The following FNDC3A variants were observed in gnomAD, a reference collection of about 807,000 sequenced individuals.
FNDC3A encodes fibronectin type III domain containing 3A.
A neutral mutation model predicts 148.9 loss-of-function variants in FNDC3A; 32 were observed. The ratio of observed to expected loss-of-function variants is 0.21; its 90% CI spans 0.16 to 0.29. The LOEUF is 0.29. Among genes scored for constraint, FNDC3A ranks in the 10% least tolerant of loss-of-function variants. The pLI is 1.00. For synonymous variants in FNDC3A, 472 were observed against 473.6 expected (o/e 1.00, Z 0.04); for missense variants, 1,191 against 1,452.8 (o/e 0.82, Z 2.93).
chr13:49,062,685 C>T (rs1315032065), intron 2 of FNDC3A, among the ~76,000 whole-genome samples: 1 of 152,108 alleles, frequency 6.6e-6, no homozygotes, highest in Admixed American at 6.5e-5. Context: ...CCTGATCATC[C>T]TAGGTTGAGT....
At position 49,207,178 on chromosome 13, in the gene FNDC3A, C is replaced by G. The variant is rs749624768; in HGVS notation, c.3380C>G (p.Ser1127Cys). The G allele has an allele frequency of 7.4e-6, 12 of 1,614,030 alleles. No homozygotes were observed. The highest frequency in any genetic ancestry group is 1.6e-4 in the Middle Eastern group (1 of 6,084). The change falls in exon 26 of 26, where the codon TCT (serine) becomes TGT (cysteine). Residue 1127 changes from serine (S) to cysteine (C), a missense_variant. By Grantham distance (112) the Ser-to-Cys change is moderately radical. Around this residue, in one of 3 missense-constraint regions of FNDC3A, gnomAD observed 751 missense variants for 944.0 expected, o/e 0.80. Transcript: ENST00000492622. ...RVCAIRQCQD[S>C]LGHQDLVGPY... ...TGTGCCATTCGCCAGTGCCAAGACT[C>G]TCTGGGACACCAGGACCTCGTAGGT... is the stretch of plus-strand genomic sequence containing the variant.
At chr13:49,203,371 T>C in intron 25 of FNDC3A, 87 bp downstream of exon 25, 1 of 897,296 alleles carries the variant, frequency 1.1e-6, no homozygotes, top group East Asian at 2.5e-5. Context: ...TGGCCATCTT[T>C]ACCTTTTAAT....
chr13:49,041,304 C>T (rs1874908356), intron 2 of FNDC3A, among the ~76,000 whole-genome samples: 4 of 152,170 alleles, frequency 2.6e-5, no homozygotes, highest in Admixed American at 2.0e-4. Flanking sequence ...GATATTTACT[C>T]AGTGGCCTAA....
intron 7 of FNDC3A, among the ~76,000 whole-genome samples, chr13:49,142,729 A>G (rs1882760163): frequency 6.6e-6 from 1 of 152,106 alleles, no homozygotes; most frequent in Non-Finnish European, 1.5e-5. Flanking sequence ...CTAATTACCC[A>G]CCTCTTTCTA....
intron 1 of FNDC3A, among the ~76,000 whole-genome samples, chr13:48,984,437 T>C (rs754921695): frequency 4.6e-5 from 7 of 152,180 alleles, no homozygotes; most frequent in Non-Finnish European, 7.4e-5. Flanking sequence ...AAATTACAAT[T>C]ATTAAAATAA....
In FNDC3A at chr13:49,134,671, G is replaced by A. The variant is rs945773721; in HGVS notation, c.491-1661G>A. On this transcript the variant is annotated intron_variant, in intron 5 of 25. Transcript: ENST00000492622. Reference sequence around the variant, plus strand: ...AATTTCTTTGCCAAAACTTGATATCGTCTGTCTTTTGATTGTAGGCATCCT... The same window carrying A: ...AATTTCTTTGCCAAAACTTGATATCATCTGTCTTTTGATTGTAGGCATCCT... Among the ~76,000 whole-genome samples the A allele has an allele frequency of 1.2e-4, 18 of 151,788 alleles. No homozygotes were observed. In the East Asian group the frequency reaches 1.9e-3, roughly 16 times the overall value.
intron 2 of FNDC3A, among the ~76,000 whole-genome samples, chr13:49,020,438 A>C (rs1566196120): frequency 1.3e-5 from 2 of 152,248 alleles, no homozygotes; most frequent in Non-Finnish European, 2.9e-5. Context: ...AGAATAGGCA[A>C]GATTATTTTG....
In FNDC3A at chr13:49,138,780, T is replaced by C; in HGVS notation, c.794T>C (p.Leu265Pro). 6.6e-7 allele frequency: 1 copy of C among 1,511,816 alleles called. No homozygotes were observed. The highest frequency in any genetic ancestry group is 1.8e-5 in the Admixed American group (1 of 55,782). 93.7% of individuals were successfully genotyped at this position (1,511,816 alleles called of 1,614,324 possible). ...GAAGAAACTAAAGCATTTGAAGCAC[T>C]TCTTTCCAACATTGTCAAACCAGTG... ...KDEETKAFEA[L>P]LSNIVKPVAS... Residue 265 changes from leucine to proline, a missense_variant, in exon 7 of 26, where the codon CTT becomes CCT. By Grantham distance (98) the Leu-to-Pro change is moderately conservative. Transcript: ENST00000492622.
chr13:48,981,673 C>T (rs1951696593), intron 1 of FNDC3A, among the ~76,000 whole-genome samples: 1 of 152,034 alleles, frequency 6.6e-6, no homozygotes, highest in African/African-American at 2.4e-5. Context: ...TTCTGATTGA[C>T]TTCCATATCT....
intron 6 of FNDC3A, among the ~76,000 whole-genome samples, chr13:49,137,683 A>G (rs568998318): frequency 1.3e-5 from 2 of 152,192 alleles, no homozygotes; most frequent in Non-Finnish European, 2.9e-5. Context: ...ATCAATCTCT[A>G]TAAGGTAAAA....
chr13:49,045,551 C>A, intron 2 of FNDC3A: 1 of 319,838 alleles, frequency 3.1e-6, no homozygotes, highest in Non-Finnish European at 6.2e-6. Flanking sequence ...TCTACTACTT[C>A]CTCAGTTTGA....
At chr13:49,012,054 A>G (rs1952357745) in intron 2 of FNDC3A, among the ~76,000 whole-genome samples, 1 of 152,118 alleles carries the variant, frequency 6.6e-6, no homozygotes, top group Non-Finnish European at 1.5e-5. Context: ...TACTTTTGTC[A>G]TGTATCTATG....
chr13:49,013,452 G>GTACATGTGTATACATATGTACACGTGTA (rs1952402629), intron 2 of FNDC3A, among the ~76,000 whole-genome samples: 8 of 151,692 alleles, frequency 5.3e-5, no homozygotes, highest in Admixed American at 5.2e-4. Flanking sequence ...ATGTATACAT[G>GTACATGTGTATACATATGTACACGTGTA]TACATGTGTA....
At chr13:49,007,696 C>T (rs1952247033) in intron 2 of FNDC3A, among the ~76,000 whole-genome samples, 1 of 152,058 alleles carries the variant, frequency 6.6e-6, no homozygotes, top group Non-Finnish European at 1.5e-5. Context: ...CTTGAAGGCA[C>T]CATGGCTATC....
intron 2 of FNDC3A, among the ~76,000 whole-genome samples, chr13:49,067,907 T>C (rs1423880939): frequency 6.6e-6 from 1 of 152,092 alleles, no homozygotes; most frequent in Non-Finnish European, 1.5e-5. Context: ...TAAAATTTTA[T>C]CACTAATTAG....
At chr13:49,155,647 G>A (rs1206525445) in intron 8 of FNDC3A, among the ~76,000 whole-genome samples, 1 of 119,906 alleles carries the variant, frequency 8.3e-6, no homozygotes, top group South Asian at 3.4e-4. Flanking sequence ...GCTTTCTCTT[G>A]TGGGCATTTA....
At chr13:49,162,394 G>C (rs1326927713) in intron 8 of FNDC3A, among the ~76,000 whole-genome samples, 1 of 152,034 alleles carries the variant, frequency 6.6e-6, no homozygotes, top group African/African-American at 2.4e-5. Flanking sequence ...TCCACTTGAT[G>C]GAATCTGGTA....
intron 3 of FNDC3A, among the ~76,000 whole-genome samples, chr13:49,102,629 A>G (rs1214917987): frequency 6.6e-6 from 1 of 152,206 alleles, no homozygotes; most frequent in Non-Finnish European, 1.5e-5. Context: ...TTTTGGTTAT[A>G]GTGAGGACAA....
rs763226463 is a variant in FNDC3A at position 49,131,365 on chromosome 13, G to A, written c.481G>A (p.Gly161Arg). 3 of 1,605,610 alleles carry A rather than the reference G, an allele frequency of 1.9e-6. No individual in the cohort carries two copies. Among genetic ancestry groups the A allele is most frequent in the African/African-American group, 1.3e-5 (1 of 74,748 alleles). Reference sequence around the variant, plus strand: ...ACAGTATCAGTCTTCACAAGTCTATGGAGATGTAGGTAAGACATCTAAAAG... The same window carrying A: ...ACAGTATCAGTCTTCACAAGTCTATAGAGATGTAGGTAAGACATCTAAAAG... The part of the protein sequence containing the change: ...MPQYQSSQVY[G>R]DVDAHSTHGR... The change falls in exon 5 of 26, where the codon GGA becomes AGA. Residue 161 changes from glycine to arginine, a missense_variant. This residue lies in a region of FNDC3A where 426 missense variants were observed against 473.2 expected (regional missense o/e 0.90). Coordinates refer to ENST00000492622, the MANE Select transcript of FNDC3A (RefSeq NM_001079673.2).
Sources: allele counts gnomAD v4.1 joint callset (sites outside exome capture counted in the v4.1 genomes callset), GRCh38; gene constraint gnomAD v4.1.1; regional missense constraint gnomAD v4.1.1; transcripts MANE v1.5; gene names NCBI Gene and HGNC (gene_info 2026-07-23, HGNC 2026-07-21).